The following LEPROTL1 variants were observed in gnomAD, a reference collection of about 807,000 sequenced individuals.
LEPROTL1 encodes leptin receptor overlapping transcript-like 1.
A neutral mutation model predicts 15.4 loss-of-function variants in LEPROTL1; 6 were observed. The ratio of observed to expected loss-of-function variants is 0.39; its 90% CI spans 0.21 to 0.77. The LOEUF (loss-of-function observed/expected upper bound fraction) is 0.77. Among genes scored for constraint, LEPROTL1 ranks in the 30% least tolerant of loss-of-function variants. The pLI is 0.41. For synonymous variants in LEPROTL1, 56 were observed against 52.6 expected (o/e 1.06, Z -0.28); for missense variants, 128 against 158.1 (o/e 0.81, Z 1.02).
At chr8:30,108,643 A>ATTTTTTTTTTT (rs111348872), downstream of LEPROTL1, 1 of 143,250 alleles carries the variant, frequency 7.0e-6, no homozygotes, top group African/African-American at 2.5e-5. Context: ...GTCAATACAG[A>ATTTTTTTTTTT]TTTTTTTTTT....
In LEPROTL1 at chr8:30,107,835, C is replaced by G. The variant is rs1563214933; in HGVS notation, c.*1973C>G. The stretch of plus-strand genomic sequence containing the variant: ...GTGCAGTGCACTGCTACTGTTTTAT[C>G]CACTTGGCCACAGACTTTTTCTAAC... On this transcript the variant is annotated 3_prime_UTR_variant, in exon 4 of 4. Coordinates refer to ENST00000321250, the MANE Select transcript of LEPROTL1 (RefSeq NM_015344.3). The G allele has an allele frequency of 2.0e-6, 2 of 985,232 alleles. No individual in the cohort carries two copies. The highest frequency in any genetic ancestry group is 2.4e-6 in the Non-Finnish European group (2 of 829,896). 61.0% of individuals were successfully genotyped at this position (985,232 alleles called of 1,614,324 possible).
intron 4 of LEPROTL1, among the ~76,000 whole-genome samples, chr8:30,137,091 G>T (rs78621504): frequency 5.9e-5 from 9 of 152,048 alleles, no homozygotes; most frequent in Non-Finnish European, 1.3e-4. Flanking sequence ...ATAGGTGACC[G>T]CCTGGAGCAT....
At chr8:30,111,135 G>A (rs980579189), downstream of LEPROTL1, among the ~76,000 whole-genome samples, 2 of 152,226 alleles carry the variant, frequency 1.3e-5, no homozygotes, top group Admixed American at 6.5e-5. Flanking sequence ...TAAACCAAGT[G>A]TAGGTGGATT....
At chr8:30,097,698 T>TACACACAC (rs71204262) in intron 1 of LEPROTL1, among the ~76,000 whole-genome samples, 1,243 of 108,708 alleles carry the variant, frequency 0.011, 44 homozygotes, top group East Asian at 0.059. Context: ...TATATATATA[T>TACACACAC]ACACACACAC....
chr8:30,134,355 G>A (rs531769334), intron 4 of LEPROTL1, among the ~76,000 whole-genome samples: 49 of 151,870 alleles, frequency 3.2e-4, no homozygotes, highest in Non-Finnish European at 5.0e-4. Context: ...CCTGGGAGGC[G>A]GAGGTTGCAG....
chr8:30,110,168 A>T (rs1802633174), downstream of LEPROTL1, among the ~76,000 whole-genome samples: 1 of 152,144 alleles, frequency 6.6e-6, no homozygotes, highest in Non-Finnish European at 1.5e-5. Context: ...GATTATTTGA[A>T]TTCATCTGTG....
chr8:30,131,276 G>GTA (rs1414002329), intron 3 of LEPROTL1, among the ~76,000 whole-genome samples: 1 of 75,234 alleles, frequency 1.3e-5, no homozygotes, highest in African/African-American at 3.6e-5. Flanking sequence ...ATATATGTGT[G>GTA]TGTATATATA....
intron 2 of LEPROTL1, among the ~76,000 whole-genome samples, chr8:30,103,690 C>A (rs901100022): frequency 3.3e-5 from 5 of 149,686 alleles, no homozygotes; most frequent in Non-Finnish European, 7.4e-5. Context: ...TGCAGTGAGC[C>A]GAGATCATGC....
At chr8:30,127,735 G>T (rs1035404912) in intron 3 of LEPROTL1, among the ~76,000 whole-genome samples, 2 of 150,332 alleles carry the variant, frequency 1.3e-5, no homozygotes, top group Non-Finnish European at 3.0e-5. Flanking sequence ...GCCAATAAAT[G>T]GGCCAGAACA....
intron 3 of LEPROTL1, among the ~76,000 whole-genome samples, chr8:30,116,787 G>A (rs1802748098): frequency 6.6e-6 from 1 of 152,194 alleles, no homozygotes; most frequent in Admixed American, 6.5e-5. Context: ...CAAGAAGGGG[G>A]TTGGAACCTC....
At chr8:30,096,219 G>T in intron 1 of LEPROTL1, 3 of 877,654 alleles carry the variant, frequency 3.4e-6, no homozygotes, top group Non-Finnish European at 4.1e-6. Context: ...TTTTTAAGAA[G>T]ATAAAATACT....
chr8:30,106,001 T>C lies in LEPROTL1; in HGVS notation c.*139T>C. On this transcript the variant is annotated 3_prime_UTR_variant, in exon 4 of 4. Transcript: ENST00000321250. ...TTTAGGTGCTCCCTTCTCACTTTTATTGTAAGCATACTATTTTCACAGAGA... is the reference window on the plus strand; with the variant it reads ...TTTAGGTGCTCCCTTCTCACTTTTACTGTAAGCATACTATTTTCACAGAGA... 7.9e-7 allele frequency: 1 copy of C among 1,264,796 alleles called. No homozygotes were observed. The highest frequency in any genetic ancestry group is 1.0e-6 in the Non-Finnish European group (1 of 994,810). 78.3% of individuals were successfully genotyped at this position (1,264,796 alleles called of 1,614,324 possible). A position where few individuals can be genotyped will look rare whatever the true frequency, so the allele number is the denominator to read the frequency against.
At chr8:30,131,614 T>G (rs1803017517) in intron 3 of LEPROTL1, among the ~76,000 whole-genome samples, 1 of 152,170 alleles carries the variant, frequency 6.6e-6, no homozygotes, top group African/African-American at 2.4e-5. Flanking sequence ...ACATTCAATT[T>G]TGGGGTGTCT....
intron 3 of LEPROTL1, among the ~76,000 whole-genome samples, chr8:30,119,840 A>T (rs1802800966): frequency 6.6e-6 from 1 of 152,146 alleles, no homozygotes; most frequent in Non-Finnish European, 1.5e-5. Context: ...AGGCCGAGGT[A>T]GGTGGATCAC....
intron 3 of LEPROTL1, among the ~76,000 whole-genome samples, chr8:30,125,853 G>A (rs1309134359): frequency 6.6e-6 from 1 of 152,126 alleles, no homozygotes; most frequent in East Asian, 1.9e-4. Flanking sequence ...TGCTAAAGTA[G>A]TCACGGCCAT....
downstream of LEPROTL1, among the ~76,000 whole-genome samples, chr8:30,110,738 TAAAAA>T (rs1254171580): frequency 6.7e-6 from 1 of 148,772 alleles, no homozygotes; most frequent in East Asian, 2.0e-4. Flanking sequence ...TGTCCCAAAA[TAAAAA>T]AAAAGCAAAT....
At chr8:30,104,242 T>A (rs565765053) in intron 2 of LEPROTL1, 58 bp from the exon 3 acceptor site, 2 of 1,046,716 alleles carry the variant, frequency 1.9e-6, no homozygotes, top group Admixed American at 5.7e-5. Context: ...AAGACCATAT[T>A]TTGTGTGTAG....
At chr8:30,109,552 C>G (rs1457211865), downstream of LEPROTL1, among the ~76,000 whole-genome samples, 1 of 152,192 alleles carries the variant, frequency 6.6e-6, no homozygotes, top group Non-Finnish European at 1.5e-5. Context: ...TCATCATAAA[C>G]TATTTCCCCC....
At chr8:30,123,993 T>G (rs1211655710) in intron 3 of LEPROTL1, among the ~76,000 whole-genome samples, 1 of 151,886 alleles carries the variant, frequency 6.6e-6, no homozygotes, top group Non-Finnish European at 1.5e-5. Context: ...TTTTTTTTTT[T>G]TTTCCAGAAG....
Sources: gnomAD v4.1 joint callset for allele counts (sites outside exome capture counted in the v4.1 genomes callset) on GRCh38, gnomAD v4.1.1 for gene constraint, MANE v1.5 for transcripts, NCBI Gene and HGNC (gene_info 2026-07-23, HGNC 2026-07-21) for gene names.